The following SMC4 variants were observed in gnomAD, a reference collection of about 807,000 sequenced individuals.
The protein encoded by SMC4 is structural maintenance of chromosomes protein 4.
A neutral mutation model predicts 145.6 loss-of-function variants in SMC4; 87 were observed. The ratio of observed to expected loss-of-function variants is 0.60; its 90% confidence interval spans 0.50 to 0.71. The LOEUF (loss-of-function observed/expected upper bound fraction) is 0.71, where lower values mean the gene tolerates loss of function less well. SMC4 is among the 30% of genes least tolerant of loss of function. SMC4 has a pLI of 0.00. For missense variants in SMC4, 1,447 were observed against 1,537.1 expected (o/e 0.94, Z 0.98); for synonymous variants, 558 against 500.7 (o/e 1.11, Z -1.53).
At position 160,424,849 on chromosome 3, in the gene SMC4, A is replaced by G; in HGVS notation, c.2326-18A>G. On this transcript the variant is annotated intron_variant, in intron 15 of 23. Coordinates refer to ENST00000357388, the MANE Select transcript of SMC4 (RefSeq NM_001002800.3). Reference sequence around the variant, plus strand: ...TCTGTCAATCTGAAATGGCTCTTAGAGAAAACTTTCTTTGTAGGTAAACAA... The same window carrying G: ...TCTGTCAATCTGAAATGGCTCTTAGGGAAAACTTTCTTTGTAGGTAAACAA... 6.2e-7 allele frequency: 1 copy of G among 1,612,878 alleles called. No homozygotes were observed. Among genetic ancestry groups the G allele is most frequent in the Non-Finnish European group, 8.5e-7 (1 of 1,179,722 alleles).
intron 18 of SMC4, 88 bp downstream of exon 18, chr3:160,429,030 T>G: frequency 9.1e-7 from 1 of 1,104,598 alleles, no homozygotes; most frequent in Non-Finnish European, 1.3e-6. Context: ...CCATAAAATG[T>G]TTCTCTTACT....
chr3:160,405,670 C>T (rs1292510913), intron 5 of SMC4, among the ~76,000 whole-genome samples: 3 of 151,924 alleles, frequency 2.0e-5, no homozygotes, highest in Non-Finnish European at 4.4e-5. Flanking sequence ...TGCAATACTT[C>T]AACCTAAACT....
intron 5 of SMC4, among the ~76,000 whole-genome samples, chr3:160,406,907 C>A (rs7634108): frequency 0.52 from 78,841 of 151,914 alleles, 20,872 homozygotes; most frequent in African/African-American, 0.54. Context: ...CACATACATG[C>A]CTTCAAAAAG....
At chr3:160,414,927 A>T (rs2108472786) in intron 9 of SMC4, among the ~76,000 whole-genome samples, 1 of 152,352 alleles carries the variant, frequency 6.6e-6, no homozygotes, top group South Asian at 2.1e-4. Context: ...CATTTACCAA[A>T]TCAGGAGTTC....
At chr3:160,429,328 G>A (rs1718124900) in intron 18 of SMC4, among the ~76,000 whole-genome samples, 1 of 152,070 alleles carries the variant, frequency 6.6e-6, no homozygotes, top group South Asian at 2.1e-4. Context: ...AATTCTCTTG[G>A]TAACTTACAT....
At position 160,423,857 on chromosome 3, in the gene SMC4, T is replaced by C; in HGVS notation, c.2325+17T>C. 3 of 1,588,430 alleles carry C rather than the reference T, an allele frequency of 1.9e-6. No individual in the cohort carries two copies. Among genetic ancestry groups the C allele is most frequent in the Non-Finnish European group, 2.6e-6 (3 of 1,169,126 alleles). On this transcript the variant is annotated intron_variant, in intron 15 of 23. Coordinates refer to ENST00000357388, the MANE Select transcript of SMC4 (RefSeq NM_001002800.3). ...GAAGAAGAGGTCAGCATATCTAAAA[T>C]TGTATCCAGACTTTTTTTTTTTTTT...
At chr3:160,433,521 T>C (rs749890383) in intron 23 of SMC4, 136 bp from the exon 24 acceptor site, 2 of 601,080 alleles carry the variant, frequency 3.3e-6, no homozygotes, top group Admixed American at 3.6e-5. Context: ...AAATACTGTT[T>C]TATGAATTAT....
chr3:160,431,107 G>A lies in SMC4; in HGVS notation c.3016G>A (p.Ala1006Thr). ...AAAAGTTATTCAAGAAAATGAACAT[G>A]CTCTTCAAAAAGATGCACTTAGTAT... ...ELKVIQENEH[A>T]LQKDALSIKL... The change falls in exon 20 of 24, where the codon GCT becomes ACT. Residue 1006 changes from alanine (A) to threonine (T), a missense_variant. By Grantham distance (58) the Ala-to-Thr change is moderately conservative (BLOSUM62 0). Coordinates refer to ENST00000357388, the MANE Select transcript of SMC4 (RefSeq NM_001002800.3). 6.2e-7 allele frequency: 1 copy of A among 1,607,806 alleles called. No individual in the cohort carries two copies. Among genetic ancestry groups the A allele is most frequent in the African/African-American group, 1.3e-5 (1 of 74,624 alleles).
intron 13 of SMC4, among the ~76,000 whole-genome samples, chr3:160,421,868 A>G (rs1428529713): frequency 6.6e-6 from 1 of 152,208 alleles, no homozygotes; most frequent in African/African-American, 2.4e-5. Flanking sequence ...GAAACCCCAT[A>G]GACAGTAACA....
intron 5 of SMC4, among the ~76,000 whole-genome samples, chr3:160,405,906 T>TA (rs2108452259): frequency 6.6e-6 from 1 of 152,168 alleles, no homozygotes; most frequent in African/African-American, 2.4e-5. Flanking sequence ...AAATTGTACT[T>TA]ATGTTTATCT....
intron 17 of SMC4, among the ~76,000 whole-genome samples, chr3:160,426,527 A>G (rs1717811639): frequency 6.6e-6 from 1 of 152,250 alleles, no homozygotes; most frequent in African/African-American, 2.4e-5. Context: ...TAGAAAAATT[A>G]TATCACTCAG....
At position 160,413,038 on chromosome 3, in the gene SMC4, A is replaced by T. The variant is rs186705444; in HGVS notation, c.981-435A>T. On this transcript the variant is annotated intron_variant, in intron 7 of 23. Transcript: ENST00000357388. ...AATCTCAACCTTCCGGACTCAGTTG[A>T]TCCTCCCACCTCCACTTCATGAGTA... Among the ~76,000 whole-genome samples the T allele has an allele frequency of 5.2e-4, 79 of 152,164 alleles. No individual in the cohort carries two copies. The East Asian group carries it at 0.014, about 26-fold the overall frequency.
chr3:160,413,340 C>T (rs376453881), intron 7 of SMC4, 133 bp from the exon 8 acceptor site: 3 of 845,614 alleles, frequency 3.5e-6, no homozygotes, highest in Admixed American at 3.8e-5. Context: ...ATTTTCCCCT[C>T]ATAGCCTAGG....
At chr3:160,430,802 C>G in intron 19 of SMC4, 59 bp downstream of exon 19, 1 of 1,545,222 alleles carries the variant, frequency 6.5e-7, no homozygotes, top group Admixed American at 2.1e-5. Context: ...ATTTAAAGAG[C>G]TGGATATATG....
chr3:160,431,770 C>T lies in SMC4; in HGVS notation c.3242C>T (p.Ala1081Val). The T allele has an allele frequency of 1.9e-6, 3 of 1,613,628 alleles. No homozygotes were observed. Among genetic ancestry groups the T allele is most frequent in the African/African-American group, 1.3e-5 (1 of 74,966 alleles). ...ACAAATCAAATTGCACTTTTGGAAG[C>T]CCGGTGTCATGAAATGAAACCAAAC... ...SITNQIALLE[A>V]RCHEMKPNLG... Residue 1081 changes from alanine (A) to valine (V), a missense_variant, in exon 21 of 24, where the codon GCC becomes GTC. By Grantham distance (64) the Ala-to-Val change is moderately conservative (BLOSUM62 0). Transcript: ENST00000357388.
chr3:160,413,343 A>C, intron 7 of SMC4, 130 bp from the exon 8 acceptor site: 1 of 848,134 alleles, frequency 1.2e-6, no homozygotes, highest in Non-Finnish European at 1.7e-6. Flanking sequence ...TTCCCCTCAT[A>C]GCCTAGGCAG....
At chr3:160,430,934 G>T in intron 19 of SMC4, 98 bp from the exon 20 acceptor site, 1 of 1,287,046 alleles carries the variant, frequency 7.8e-7, no homozygotes, top group Non-Finnish European at 1.1e-6. Flanking sequence ...TAAAATGGAA[G>T]GGGCATGAGG....
chr3:160,421,633 A>G (rs1039575136), intron 13 of SMC4, among the ~76,000 whole-genome samples: 12 of 152,092 alleles, frequency 7.9e-5, no homozygotes, highest in African/African-American at 2.2e-4. Flanking sequence ...AATCTCAGCT[A>G]CTCGGGAGGC....
chr3:160,417,599 TATTTC>T, intron 10 of SMC4, 119 bp from the exon 11 acceptor site: 1 of 774,332 alleles, frequency 1.3e-6, no homozygotes, highest in Non-Finnish European at 2.1e-6. Context: ...GAGAATTTCT[TATTTC>T]TATATACTGT....
Sources: allele counts gnomAD v4.1 joint callset (sites outside exome capture counted in the v4.1 genomes callset), GRCh38; gene constraint gnomAD v4.1.1; transcripts MANE v1.5; gene names NCBI Gene and HGNC (gene_info 2026-07-23, HGNC 2026-07-21).